ARMH4: variants seen among roughly 807,000 people sequenced by gnomAD.
The protein encoded by ARMH4 is armadillo like helical domain containing 4.
A neutral mutation model predicts 61.9 loss-of-function variants in ARMH4; 49 were observed. The ratio of observed to expected loss-of-function variants is 0.79; its 90% CI spans 0.63 to 1.00. The LOEUF (loss-of-function observed/expected upper bound fraction) is 1.00, where lower values mean the gene tolerates loss of function less well. Ranked by LOEUF, ARMH4 falls within the 50% of genes least tolerant of loss-of-function variation. The pLI, the probability that ARMH4 is intolerant of heterozygous loss-of-function variation, is 0.00. For missense variants in ARMH4, 934 were observed against 930.0 expected (o/e 1.00, Z -0.06); for synonymous variants, 368 against 341.5 (o/e 1.08, Z -0.85).
intron 1 of ARMH4, among the ~76,000 whole-genome samples, chr14:58,147,212 T>C (rs760183937): frequency 6.6e-6 from 1 of 152,190 alleles, no homozygotes; most frequent in African/African-American, 2.4e-5. Context: ...TCTTTTGGAA[T>C]TGTAACTTCT....
intron 1 of ARMH4, among the ~76,000 whole-genome samples, chr14:58,150,619 A>T (rs1417703113): frequency 1.3e-5 from 2 of 152,184 alleles, no homozygotes; most frequent in East Asian, 3.8e-4. Context: ...ACAAATTCAC[A>T]TCTCTCTAAT....
intron 6 of ARMH4, among the ~76,000 whole-genome samples, chr14:58,006,829 C>G (rs1882191342): frequency 6.6e-6 from 1 of 151,956 alleles, no homozygotes; most frequent in Non-Finnish European, 1.5e-5. Context: ...TTAACGGGTG[C>G]AGCACACCAA....
chr14:58,095,436 T>C (rs1173157077), intron 5 of ARMH4, among the ~76,000 whole-genome samples: 1 of 152,210 alleles, frequency 6.6e-6, no homozygotes, highest in African/African-American at 2.4e-5. Context: ...AACAGAAGCA[T>C]TTCAGACTAA....
At chr14:58,053,823 C>CTACA (rs1884228827) in intron 5 of ARMH4, among the ~76,000 whole-genome samples, 1 of 152,182 alleles carries the variant, frequency 6.6e-6, no homozygotes, top group African/African-American at 2.4e-5. Flanking sequence ...TTCACATGTG[C>CTACA]TACAGGTCAC....
At chr14:58,053,815 C>T (rs1384541503) in intron 5 of ARMH4, among the ~76,000 whole-genome samples, 5 of 152,170 alleles carry the variant, frequency 3.3e-5, no homozygotes, top group African/African-American at 1.2e-4. Flanking sequence ...GGAGAATGTT[C>T]ACATGTGCTA....
chr14:58,053,122 T>C (rs752569004), intron 5 of ARMH4, among the ~76,000 whole-genome samples: 4 of 152,236 alleles, frequency 2.6e-5, no homozygotes, highest in Non-Finnish European at 5.9e-5. Context: ...GCCCAGTCTA[T>C]TGTGACAAGC....
chr14:58,126,079 C>T lies in ARMH4; in HGVS notation c.1831+5433G>A, dbSNP rs552842545. On this transcript the variant is annotated intron_variant, in intron 4 of 7. Transcript: ENST00000267485. The stretch of plus-strand genomic sequence containing the variant: ...CAGGCATTCGAGCTGGCAACAGCTA[C>T]CCTCTTTGGGTCCCCTCCCTCTGTA... Among the ~76,000 whole-genome samples the T allele has an allele frequency of 5.9e-5, 9 of 152,318 alleles. No homozygotes were observed. In the East Asian group the frequency reaches 1.7e-3, roughly 29 times the overall value.
chr14:58,097,856 C>A (rs1301875738), intron 4 of ARMH4, among the ~76,000 whole-genome samples: 1 of 152,082 alleles, frequency 6.6e-6, no homozygotes, highest in Admixed American at 6.5e-5. Flanking sequence ...TAGGCGTGAG[C>A]CATGGCACTT....
At chr14:58,099,284 G>A (rs1450635807) in intron 4 of ARMH4, among the ~76,000 whole-genome samples, 1 of 152,146 alleles carries the variant, frequency 6.6e-6, no homozygotes, top group African/African-American at 2.4e-5. Context: ...TAGACAGAAA[G>A]GGAAATGGTC....
intron 4 of ARMH4, among the ~76,000 whole-genome samples, chr14:58,105,898 T>C (rs930477320): frequency 2.0e-5 from 3 of 152,176 alleles, no homozygotes; most frequent in African/African-American, 7.2e-5. Flanking sequence ...TTACCTAGAA[T>C]TGGAAAGTTC....
intron 5 of ARMH4, among the ~76,000 whole-genome samples, chr14:58,073,608 T>C (rs1020072108): frequency 3.3e-5 from 5 of 152,104 alleles, no homozygotes; most frequent in African/African-American, 9.7e-5. Context: ...GAAAAAAAAA[T>C]AGTCTTCTAA....
chr14:58,103,068 G>A (rs1357015034), intron 4 of ARMH4, among the ~76,000 whole-genome samples: 2 of 151,894 alleles, frequency 1.3e-5, no homozygotes, highest in African/African-American at 4.8e-5. Context: ...GGGAGGTGGA[G>A]GTTGCAGTGA....
chr14:58,096,185 A>G (rs1411460377), intron 5 of ARMH4, among the ~76,000 whole-genome samples: 1 of 152,246 alleles, frequency 6.6e-6, no homozygotes, highest in Non-Finnish European at 1.5e-5. Flanking sequence ...TAATGCAGCC[A>G]CAAGTCTGAA....
chr14:58,101,706 C>A, intron 4 of ARMH4: 1 of 151,788 alleles, frequency 6.6e-6, no homozygotes, highest in East Asian at 1.9e-4. Context: ...TTTTGCCTGC[C>A]CTGCCCGGTA....
At chr14:58,019,956 A>G (rs1594694666) in intron 5 of ARMH4, among the ~76,000 whole-genome samples, 1 of 152,160 alleles carries the variant, frequency 6.6e-6, no homozygotes, top group African/African-American at 2.4e-5. Context: ...TTTATGGACT[A>G]TATTTATCCC....
intron 5 of ARMH4, among the ~76,000 whole-genome samples, chr14:58,076,736 G>A (rs1476913336): frequency 1.3e-5 from 2 of 152,156 alleles, no homozygotes; most frequent in Admixed American, 6.5e-5. Flanking sequence ...TGGGTAAACT[G>A]AGAAAGAAGG....
intron 4 of ARMH4, among the ~76,000 whole-genome samples, chr14:58,124,253 G>C (rs1886825982): frequency 6.6e-6 from 1 of 152,170 alleles, no homozygotes; most frequent in Non-Finnish European, 1.5e-5. Context: ...CCAAGCCCCA[G>C]TGTTAAGCTT....
At position 58,098,237 on chromosome 14, in the gene ARMH4, T is replaced by A. The variant is rs562518645; in HGVS notation, c.1832-1256A>T. Reference sequence around the variant, plus strand: ...TATCATTCAGAGGCTTTTTAACTTTTAAAAAAAATCACCTTTAATCTTTTT... The same window carrying A: ...TATCATTCAGAGGCTTTTTAACTTTAAAAAAAAATCACCTTTAATCTTTTT... On this transcript the variant is annotated intron_variant, in intron 4 of 7. Transcript: ENST00000267485. Among the ~76,000 whole-genome samples the A allele has an allele frequency of 4.0e-5, 6 of 151,742 alleles. No homozygotes were observed. In the East Asian group the frequency reaches 9.6e-4, roughly 24 times the overall value.
At chr14:58,048,682 A>C (rs917928537) in intron 5 of ARMH4, among the ~76,000 whole-genome samples, 1 of 152,214 alleles carries the variant, frequency 6.6e-6, no homozygotes, top group African/African-American at 2.4e-5. Flanking sequence ...CAGGAAGGAA[A>C]AAAACAAAGA....
Sources: gnomAD v4.1 joint callset for allele counts (sites outside exome capture counted in the v4.1 genomes callset) on GRCh38, gnomAD v4.1.1 for gene constraint, MANE v1.5 for transcripts, NCBI Gene and HGNC (gene_info 2026-07-23, HGNC 2026-07-21) for gene names.